The following SCRG1 variants were observed in gnomAD, a reference collection of about 807,000 sequenced individuals.
SCRG1 encodes scrapie-responsive protein 1.
SCRG1 carries 3 observed loss-of-function variants against 7.7 expected under a neutral mutation model. The ratio of observed to expected loss-of-function variants is 0.39; its 90% confidence interval spans 0.18 to 1.01. The LOEUF is 1.01. SCRG1 is among the 50% of genes least tolerant of loss of function. The probability of loss-of-function intolerance (pLI) is 0.36; values close to 1 mark genes in which losing one functional copy is unlikely to be tolerated. For synonymous variants in SCRG1, 46 were observed against 41.2 expected (o/e 1.12, Z -0.44); for missense variants, 110 against 117.2 (o/e 0.94, Z 0.28).
At chr4:173,406,179 C>A (rs1223135524) in intron 1 of SCRG1, 3 of 152,246 alleles carry the variant, frequency 2.0e-5, no homozygotes, top group Admixed American at 2.0e-4. Context: ...CAGTGGGAAC[C>A]TAACTCCTAC....
At chr4:173,473,730 G>T in the SCRG1 span, among the ~76,000 whole-genome samples, 4 of 152,176 alleles carry the variant, frequency 2.6e-5, no homozygotes, top group Non-Finnish European at 5.9e-5. Context: ...CAATAAGGCC[G>T]TGGGGGGTTG....
At chr4:173,462,503 C>A in the SCRG1 span, among the ~76,000 whole-genome samples, 1 of 152,028 alleles carries the variant, frequency 6.6e-6, no homozygotes, top group African/African-American at 2.4e-5. Flanking sequence ...CTTTCCCAGA[C>A]AATAGAAGTT....
the SCRG1 span, among the ~76,000 whole-genome samples, chr4:173,449,353 G>T: frequency 0.081 from 12,275 of 151,914 alleles, 576 homozygotes; most frequent in Non-Finnish European, 0.097. Flanking sequence ...TGACACTCTG[G>T]CTATCCCTGT....
At chr4:173,448,372 A>G in the SCRG1 span, among the ~76,000 whole-genome samples, 1 of 152,216 alleles carries the variant, frequency 6.6e-6, no homozygotes, top group Non-Finnish European at 1.5e-5. Flanking sequence ...CTCCAACCCT[A>G]TGACATGGCT....
chr4:173,477,174 G>A, the SCRG1 span, among the ~76,000 whole-genome samples: 467 of 152,248 alleles, frequency 3.1e-3, 3 homozygotes, highest in Non-Finnish European at 3.3e-3. Flanking sequence ...AATGAAAATT[G>A]TAGTTCAATG....
the SCRG1 span, among the ~76,000 whole-genome samples, chr4:173,491,612 C>T: frequency 8.5e-5 from 13 of 152,294 alleles, no homozygotes; most frequent in African/African-American, 2.6e-4. Flanking sequence ...TCTGCAAGTA[C>T]AGGGTTCTAA....
At chr4:173,405,736 A>G (rs999774112) in intron 1 of SCRG1, among the ~76,000 whole-genome samples, 1 of 152,078 alleles carries the variant, frequency 6.6e-6, no homozygotes, top group African/African-American at 2.4e-5. Context: ...TTGTGTCTCT[A>G]TGGCATGCCC....
the SCRG1 span, among the ~76,000 whole-genome samples, chr4:173,427,172 A>G: frequency 6.6e-6 from 1 of 152,178 alleles, no homozygotes; most frequent in Non-Finnish European, 1.5e-5. Flanking sequence ...TTTGCACCCC[A>G]GAGCTGGGCT....
the SCRG1 span, among the ~76,000 whole-genome samples, chr4:173,483,022 A>C: frequency 3.9e-5 from 5 of 128,332 alleles, no homozygotes; most frequent in Non-Finnish European, 4.7e-5. Flanking sequence ...TATATAATTT[A>C]TATGTAATAT....
At chr4:173,454,297 A>G in the SCRG1 span, among the ~76,000 whole-genome samples, 3 of 152,078 alleles carry the variant, frequency 2.0e-5, no homozygotes, top group Admixed American at 6.5e-5. Flanking sequence ...TGGTTTCTGG[A>G]AGGCCTGGAG....
chr4:173,462,676 G>C, the SCRG1 span, among the ~76,000 whole-genome samples: 1 of 152,168 alleles, frequency 6.6e-6, no homozygotes, highest in South Asian at 2.1e-4. Flanking sequence ...CACTGTAACT[G>C]TGGTGTGTAA....
the SCRG1 span, among the ~76,000 whole-genome samples, chr4:173,509,477 G>A: frequency 6.6e-6 from 1 of 152,170 alleles, no homozygotes. This position sits in a 1 kb window ranked among gnomAD's most constrained non-coding sequence, Gnocchi z 5.7. Context: ...TTGCAAAGCC[G>A]GCCTCTGCCC....
chr4:173,434,395 T>C, the SCRG1 span, among the ~76,000 whole-genome samples: 1 of 152,176 alleles, frequency 6.6e-6, no homozygotes, highest in Non-Finnish European at 1.5e-5. Flanking sequence ...AGGCCTCTAT[T>C]TGCCACAACT....
chr4:173,400,037 A>G (rs771215589), upstream of SCRG1, among the ~76,000 whole-genome samples: 15 of 152,212 alleles, frequency 9.9e-5, no homozygotes, highest in Non-Finnish European at 1.6e-4. Flanking sequence ...GAATTACCTC[A>G]TATGCCATGC....
chr4:173,430,118 A>C, the SCRG1 span, among the ~76,000 whole-genome samples: 1 of 152,154 alleles, frequency 6.6e-6, no homozygotes, highest in Non-Finnish European at 1.5e-5. Flanking sequence ...CCCTTAAATA[A>C]AGAACTTTTG....
the SCRG1 span, among the ~76,000 whole-genome samples, chr4:173,495,288 T>C: frequency 1.3e-5 from 2 of 152,262 alleles, no homozygotes; most frequent in Non-Finnish European, 2.9e-5. Flanking sequence ...ATGGATATAA[T>C]GAATTCACAG....
rs745516989 is a variant in SCRG1 at position 173,391,245 on chromosome 4, T to C, written c.170A>G (p.Asp57Gly). The stretch of plus-strand genomic sequence containing the variant: ...ACATCCCTTCCCATCCCAGAAATGA[T>C]CCTGGACATTGACATCAATCTGTGT... ...DLTQIDVNVQDHFWDGKGCEM... is the reference protein window; with the variant it reads ...DLTQIDVNVQGHFWDGKGCEM... Residue 57 changes from aspartate to glycine, a missense_variant, in exon 2 of 3, where the codon GAT (aspartate) becomes GGT (glycine). Coordinates refer to ENST00000296506, the MANE Select transcript of SCRG1 (RefSeq NM_007281.4). The C allele has an allele frequency of 1.9e-6, 3 of 1,614,192 alleles. No homozygotes were observed. In the East Asian group the frequency reaches 6.7e-5, roughly 36 times the overall value.
chr4:173,480,514 T>C, the SCRG1 span, among the ~76,000 whole-genome samples: 2 of 152,152 alleles, frequency 1.3e-5, no homozygotes, highest in Non-Finnish European at 2.9e-5. Flanking sequence ...AAAAAAACTC[T>C]ACATATACTG....
At chr4:173,496,598 C>T in the SCRG1 span, among the ~76,000 whole-genome samples, 1 of 152,206 alleles carries the variant, frequency 6.6e-6, no homozygotes, top group African/African-American at 2.4e-5. Flanking sequence ...TGAGATAAAA[C>T]ACTGGTATCA....
Sources: allele counts gnomAD v4.1 joint callset (sites outside exome capture counted in the v4.1 genomes callset), GRCh38; gene constraint gnomAD v4.1.1; non-coding constraint Gnocchi (gnomAD v3.1); transcripts MANE v1.5; gene names NCBI Gene and HGNC (gene_info 2026-07-23, HGNC 2026-07-21).